The following ADGRB1 variants were observed in gnomAD, a reference collection of about 807,000 sequenced individuals.
ADGRB1 encodes the protein adhesion G protein-coupled receptor B1.
A neutral mutation model predicts 175.7 loss-of-function variants in ADGRB1; 36 were observed. The observed-to-expected ratio is 0.20, with a 90% CI of 0.16 to 0.27. ADGRB1 has a LOEUF of 0.27. Among genes scored for constraint, ADGRB1 ranks in the 10% least tolerant of loss-of-function variants. The pLI, the probability that ADGRB1 is intolerant of heterozygous loss-of-function variation, is 1.00. For synonymous variants in ADGRB1, 1,054 were observed against 979.4 expected (o/e 1.08, Z -1.42); for missense variants, 1,731 against 2,255.3 (o/e 0.77, Z 4.71).
chr8:142,513,544 G>A (rs1026430515), intron 18 of ADGRB1, among the ~76,000 whole-genome samples: 2 of 152,180 alleles, frequency 1.3e-5, no homozygotes, highest in South Asian at 2.1e-4. Context: ...CCACCGTGCC[G>A]ATCCCTCTGA....
At chr8:142,500,261 T>G (rs1357436631) in intron 17 of ADGRB1, among the ~76,000 whole-genome samples, 28 of 15,102 alleles carry the variant, frequency 1.9e-3, no homozygotes, top group East Asian at 4.9e-3. Flanking sequence ...CTCCTCCACC[T>G]CCCCACGCGC....
At chr8:142,476,236 C>T (rs1210078295) in intron 3 of ADGRB1, among the ~76,000 whole-genome samples, 1 of 152,194 alleles carries the variant, frequency 6.6e-6, no homozygotes, top group Non-Finnish European at 1.5e-5. Flanking sequence ...AAGAGCTCCT[C>T]TCAGGAGCCT....
chr8:142,531,952 T>C (rs930006049), intron 24 of ADGRB1, among the ~76,000 whole-genome samples: 1 of 152,082 alleles, frequency 6.6e-6, no homozygotes, highest in Non-Finnish European at 1.5e-5. Flanking sequence ...GCAGCATTGG[T>C]GGCCAAGCCA....
chr8:142,501,910 G>A (rs1842581602), intron 17 of ADGRB1, among the ~76,000 whole-genome samples: 2 of 29,584 alleles, frequency 6.8e-5, no homozygotes, highest in African/African-American at 1.2e-4. Context: ...TGGTGGTGAT[G>A]GTGGTGGCGG....
intron 17 of ADGRB1, among the ~76,000 whole-genome samples, chr8:142,494,579 CCTCACCCCGGTTGTGCAGACACA>C (rs1380566604): frequency 1.3e-5 from 2 of 152,054 alleles, no homozygotes; most frequent in Non-Finnish European, 2.9e-5. Flanking sequence ...CACCTGCCTG[CCTCACCCCGGTTGTGCAGACACA>C]CTTGCACCCA....
At chr8:142,484,241 C>G (rs1005145532) in intron 12 of ADGRB1, among the ~76,000 whole-genome samples, 196 bp downstream of exon 12, 2 of 152,226 alleles carry the variant, frequency 1.3e-5, no homozygotes, top group Admixed American at 1.3e-4. Flanking sequence ...TGTCTAAGGA[C>G]AGTCATTTAT....
Position 142,489,791 on chromosome 8 carries a change from G to A in ADGRB1, c.2631+353G>A, listed in dbSNP as rs188976192. On this transcript the variant is annotated intron_variant, in intron 16 of 30. Coordinates refer to ENST00000517894, the MANE Select transcript of ADGRB1 (RefSeq NM_001702.3). ...GCCTGGCCACCAAGAAGCTGGGGGT[G>A]TAAGTACACCCTCTGCCGGCACCGC... Among the ~76,000 whole-genome samples the A allele has an allele frequency of 1.9e-3, 282 of 152,236 alleles. 2 individuals are homozygous for A. The highest frequency in any genetic ancestry group is 6.5e-3 in the African/African-American group (269 of 41,546).
chr8:142,477,604 C>T, intron 6 of ADGRB1, 55 bp downstream of exon 6: 1 of 1,564,186 alleles, frequency 6.4e-7, no homozygotes, highest in Admixed American at 1.8e-5. Flanking sequence ...GGGGAGGTCA[C>T]AGTGGGCCAC....
At chr8:142,500,071 G>A (rs1362790863) in intron 17 of ADGRB1, among the ~76,000 whole-genome samples, 1 of 152,124 alleles carries the variant, frequency 6.6e-6, no homozygotes, top group African/African-American at 2.4e-5. Flanking sequence ...GCACGGACAG[G>A]TCTGCGACTG....
intron 17 of ADGRB1, among the ~76,000 whole-genome samples, chr8:142,508,124 C>A (rs1182254211): frequency 1.3e-5 from 2 of 152,206 alleles, no homozygotes; most frequent in Non-Finnish European, 2.9e-5. Flanking sequence ...AACTGCAGGT[C>A]TGCAAGGGAC....
In ADGRB1 at chr8:142,500,339, G is replaced by A. The variant is rs1312714762; in HGVS notation, c.2675+9524G>A. On this transcript the variant is annotated intron_variant, in intron 17 of 30. Coordinates refer to ENST00000517894, the MANE Select transcript of ADGRB1 (RefSeq NM_001702.3). ...GCGCCGCTCCTCCCCCGCCCCCCGC[G>A]CCGCTCCTCCCCCGCCCCCCGCGCC... Among the ~76,000 whole-genome samples the A allele has an allele frequency of 9.0e-4, 41 of 45,376 alleles. 10 individuals carry two copies. The highest frequency in any genetic ancestry group is 1.6e-3 in the Admixed American group (6 of 3,862). 29.8% of individuals were successfully genotyped at this position (45,376 alleles called of 152,430 possible).
chr8:142,495,738 C>A (rs565629763), intron 17 of ADGRB1, among the ~76,000 whole-genome samples: 2 of 152,076 alleles, frequency 1.3e-5, no homozygotes, highest in Non-Finnish European at 2.9e-5. Flanking sequence ...TCTGTGCCCC[C>A]CCGCCAAACC....
intron 17 of ADGRB1, among the ~76,000 whole-genome samples, chr8:142,502,426 GT>G (rs1298447243): frequency 0.027 from 34 of 1,240 alleles, no homozygotes; most frequent in Non-Finnish European, 0.042. Context: ...GGTGATGGTG[GT>G]GGTGGTGGTA....
At chr8:142,486,113 CAG>C (rs1246877771) in intron 13 of ADGRB1, among the ~76,000 whole-genome samples, 1 of 152,196 alleles carries the variant, frequency 6.6e-6, no homozygotes, top group Non-Finnish European at 1.5e-5. Flanking sequence ...TAGCACACCA[CAG>C]ACACCCTGTG....
chr8:142,475,739 G>A (rs1226801928), intron 3 of ADGRB1, 104 bp downstream of exon 3: 2 of 1,020,740 alleles, frequency 2.0e-6, no homozygotes, highest in Non-Finnish European at 2.5e-6. Context: ...CGTGGGGGCG[G>A]GGCGGGGCCT....
In ADGRB1 at chr8:142,464,846, G is replaced by C; in HGVS notation, c.648G>C (p.Leu216=). The part of the protein sequence containing the change: ...CGIMQTPCAC[L]GGEAGGPAAG... ...TCATGCAGACCCCCTGCGCCTGCCT[G>C]GGCGGCGAGGCGGGCGGCCCTGCCG... Residue 216 remains leucine, a synonymous_variant, in exon 2 of 31, where the codon CTG becomes CTC. Coordinates refer to ENST00000517894, the MANE Select transcript of ADGRB1 (RefSeq NM_001702.3). The C allele has an allele frequency of 6.6e-7, 1 of 1,524,316 alleles. No individual in the cohort carries two copies. Among genetic ancestry groups the C allele is most frequent in the Non-Finnish European group, 8.8e-7 (1 of 1,141,392 alleles). 94.4% of individuals were successfully genotyped at this position (1,524,316 alleles called of 1,614,324 possible).
At chr8:142,486,486 G>T (rs1841677667) in intron 13 of ADGRB1, among the ~76,000 whole-genome samples, 3 of 152,154 alleles carry the variant, frequency 2.0e-5, no homozygotes, top group Admixed American at 2.0e-4. Flanking sequence ...AAGGTGCTTG[G>T]CACTCCCGAG....
chr8:142,481,435 G>A, intron 10 of ADGRB1, 75 bp downstream of exon 10: 6 of 1,595,874 alleles, frequency 3.8e-6, no homozygotes, highest in Non-Finnish European at 5.1e-6. Context: ...CCTGCAGAGG[G>A]TCCTAGGCAT....
chr8:142,497,414 TC>T (rs1284954009), intron 17 of ADGRB1, among the ~76,000 whole-genome samples: 1 of 151,254 alleles, frequency 6.6e-6, no homozygotes, highest in African/African-American at 2.4e-5. Context: ...CTTGGCAGGG[TC>T]CCCGGGTCGC....
Sources: gnomAD v4.1 joint callset for allele counts (sites outside exome capture counted in the v4.1 genomes callset) on GRCh38, gnomAD v4.1.1 for gene constraint, MANE v1.5 for transcripts, NCBI Gene and HGNC (gene_info 2026-07-23, HGNC 2026-07-21) for gene names.